ZBTB20: variants seen among roughly 807,000 people sequenced by gnomAD.
ZBTB20 encodes zinc finger and BTB domain containing 20.
A neutral mutation model predicts 56.9 loss-of-function variants in ZBTB20; 9 were observed. The ratio of observed to expected loss-of-function variants is 0.16; its 90% CI spans 0.10 to 0.28. The LOEUF is 0.28. Ranked by LOEUF, ZBTB20 falls within the 10% of genes least tolerant of loss-of-function variation. The probability of loss-of-function intolerance (pLI) is 1.00; values close to 1 mark genes in which losing one functional copy is unlikely to be tolerated. For synonymous variants in ZBTB20, 417 were observed against 420.7 expected (o/e 0.99, Z 0.11); for missense variants, 655 against 1,003.0 (o/e 0.65, Z 4.69).
intron 6 of ZBTB20, among the ~76,000 whole-genome samples, chr3:114,588,741 G>C (rs139264789): frequency 6.6e-6 from 1 of 152,044 alleles, no homozygotes; most frequent in East Asian, 1.9e-4. Flanking sequence ...ATACCACCAG[G>C]GCACGGAACT....
chr3:114,641,987 T>C (rs1456305412), intron 6 of ZBTB20, among the ~76,000 whole-genome samples: 1 of 152,040 alleles, frequency 6.6e-6, no homozygotes, highest in East Asian at 1.9e-4. Flanking sequence ...ATGCATGCCA[T>C]TTTTGTTTGT....
At chr3:115,005,337 T>C (rs1010189869) in intron 2 of ZBTB20, among the ~76,000 whole-genome samples, 20 of 151,832 alleles carry the variant, frequency 1.3e-4, no homozygotes, top group African/African-American at 4.6e-4. Flanking sequence ...TTTATCTGTA[T>C]AAATTTTTAA....
intron 2 of ZBTB20, among the ~76,000 whole-genome samples, chr3:115,057,040 C>A (rs2081822193): frequency 6.6e-6 from 1 of 152,038 alleles, no homozygotes; most frequent in Non-Finnish European, 1.5e-5. Flanking sequence ...TCTACATACT[C>A]TAATTACTTA....
Position 114,767,751 on chromosome 3 carries a change from G to A in ZBTB20, c.-343+33350C>T, listed in dbSNP as rs193266234. 6.6e-5 allele frequency among the ~76,000 whole-genome samples: 10 copies of A among 152,126 alleles called. No individual in the cohort carries two copies. In the East Asian group the frequency reaches 1.9e-3, roughly 29 times the overall value. On this transcript the variant is annotated intron_variant, in intron 5 of 11. Transcript: ENST00000675478. ...CTCTGCTTCCCACCCCAATCCAAAT[G>A]TCTGGGACACAAGTAGGATAGTTGG...
Position 114,322,234 on chromosome 3 carries a change from T to G in ZBTB20, c.*16771A>C, listed in dbSNP as rs1162527230. The G allele has an allele frequency of 1.3e-5, 2 of 152,238 alleles. No individual in the cohort carries two copies. The highest frequency in any genetic ancestry group is 2.9e-5 in the Non-Finnish European group (2 of 68,048). 9.4% of individuals were successfully genotyped at this position (152,238 alleles called of 1,614,324 possible). ...GGAAGTTTCTTTCTCTCCATCAGTCTCCAGGTCATGACTCTATTAAAGATC... is the reference window on the plus strand; with the variant it reads ...GGAAGTTTCTTTCTCTCCATCAGTCGCCAGGTCATGACTCTATTAAAGATC... On this transcript the variant is annotated 3_prime_UTR_variant, in exon 12 of 12. Coordinates refer to ENST00000675478, the MANE Select transcript of ZBTB20 (RefSeq NM_001348800.3).
At chr3:114,413,900 C>T (rs2088242399) in intron 7 of ZBTB20, among the ~76,000 whole-genome samples, 1 of 152,170 alleles carries the variant, frequency 6.6e-6, no homozygotes, top group Admixed American at 6.6e-5. Flanking sequence ...TGCTACCACA[C>T]TGCTGCTGTT....
At chr3:114,345,557 T>C (rs1476143817) in intron 11 of ZBTB20, among the ~76,000 whole-genome samples, 4 of 152,238 alleles carry the variant, frequency 2.6e-5, no homozygotes, top group Non-Finnish European at 5.9e-5. Flanking sequence ...TAAAAAATGT[T>C]ATGTAACAAA....
intron 7 of ZBTB20, among the ~76,000 whole-genome samples, chr3:114,396,065 G>A (rs111328600): frequency 6.6e-6 from 1 of 151,970 alleles, no homozygotes; most frequent in African/African-American, 2.4e-5. Flanking sequence ...ATCTGGCCTG[G>A]TGATGGGAAC....
chr3:114,404,969 A>G (rs1017327978), intron 7 of ZBTB20, among the ~76,000 whole-genome samples: 7 of 152,152 alleles, frequency 4.6e-5, no homozygotes, highest in Non-Finnish European at 1.0e-4. Flanking sequence ...GAAAATTTTC[A>G]TGGATAGCAA....
intron 1 of ZBTB20, among the ~76,000 whole-genome samples, chr3:115,090,159 G>A (rs1309914936): frequency 1.3e-5 from 2 of 151,696 alleles, no homozygotes; most frequent in South Asian, 2.1e-4. Context: ...GGCTGATTCC[G>A]ACATATAATA....
chr3:114,343,974 G>T (rs2722017), intron 11 of ZBTB20, among the ~76,000 whole-genome samples: 3 of 152,050 alleles, frequency 2.0e-5, no homozygotes, highest in African/African-American at 7.3e-5. Context: ...ACTTGAACCC[G>T]GGAGGTGGAG....
Position 114,758,450 on chromosome 3 carries a change from T to C in ZBTB20, c.-343+42651A>G, listed in dbSNP as rs1449299999. Among the ~76,000 whole-genome samples the C allele has an allele frequency of 3.5e-4, 53 of 152,150 alleles. 1 individual carries two copies. The highest frequency in any genetic ancestry group is 3.0e-3 in the Admixed American group (46 of 15,260). On this transcript the variant is annotated intron_variant, in intron 5 of 11. Coordinates refer to ENST00000675478, the MANE Select transcript of ZBTB20 (RefSeq NM_001348800.3). Reference sequence around the variant, plus strand: ...ATAATGTCCCTTTAGAAATTCTCAATAAGGATTAGCTTGGTCCTAATGAAA... The same window carrying C: ...ATAATGTCCCTTTAGAAATTCTCAACAAGGATTAGCTTGGTCCTAATGAAA...
At chr3:114,553,749 A>G (rs2050857673) in intron 6 of ZBTB20, among the ~76,000 whole-genome samples, 1 of 152,200 alleles carries the variant, frequency 6.6e-6, no homozygotes, top group Non-Finnish European at 1.5e-5. Context: ...ACTTTGTCCC[A>G]GTAGAATTAA....
chr3:114,438,892 T>G (rs946881289), intron 7 of ZBTB20, among the ~76,000 whole-genome samples: 1 of 152,120 alleles, frequency 6.6e-6, no homozygotes, highest in Non-Finnish European at 1.5e-5. Context: ...TTAGTTATTG[T>G]TTTTACCAAG....
intron 7 of ZBTB20, among the ~76,000 whole-genome samples, chr3:114,485,134 T>A (rs1350413245): frequency 6.6e-6 from 1 of 152,198 alleles, no homozygotes; most frequent in Non-Finnish European, 1.5e-5. Flanking sequence ...TGAAAGTCAA[T>A]GCAGTCTGCC....
At chr3:115,049,617 G>A (rs182880920) in intron 2 of ZBTB20, among the ~76,000 whole-genome samples, 9 of 152,152 alleles carry the variant, frequency 5.9e-5, no homozygotes, top group African/African-American at 2.2e-4. Context: ...CTGGCATCAT[G>A]GCAGTGCTCA....
chr3:114,769,277 T>C (rs1188855483), intron 5 of ZBTB20, among the ~76,000 whole-genome samples: 1 of 151,940 alleles, frequency 6.6e-6, no homozygotes, highest in Non-Finnish European at 1.5e-5. Context: ...TGCTACATAT[T>C]ATAGCAGCAC....
intron 4 of ZBTB20, among the ~76,000 whole-genome samples, chr3:114,829,439 G>A (rs747250632): frequency 6.6e-6 from 1 of 151,732 alleles, no homozygotes; most frequent in African/African-American, 2.4e-5. Context: ...AGTTTCCCAC[G>A]TTTATATTAA....
chr3:114,576,488 C>G (rs1028263440), intron 6 of ZBTB20, among the ~76,000 whole-genome samples: 4 of 72,912 alleles, frequency 5.5e-5, no homozygotes, highest in African/African-American at 2.1e-4. Flanking sequence ...GGTGACAGAG[C>G]AAGACTCCGT....
Sources: gnomAD v4.1 joint callset for allele counts (sites outside exome capture counted in the v4.1 genomes callset) on GRCh38, gnomAD v4.1.1 for gene constraint, MANE v1.5 for transcripts, NCBI Gene and HGNC (gene_info 2026-07-23, HGNC 2026-07-21) for gene names.